HIVEP3: variants seen among roughly 807,000 people sequenced by gnomAD.
HIVEP3 encodes the protein transcription factor HIVEP3.
Under a neutral mutation model 152.8 loss-of-function variants are expected in HIVEP3, and 49 were observed. That is an observed-to-expected ratio of 0.32 (90% CI 0.26 to 0.41). The LOEUF (loss-of-function observed/expected upper bound fraction) is 0.41, where lower values mean the gene tolerates loss of function less well. HIVEP3 is among the 10% of genes least tolerant of loss of function. HIVEP3 has a pLI of 1.00. For synonymous variants in HIVEP3, 1,269 were observed against 1,289.0 expected (o/e 0.98, Z 0.33); for missense variants, 2,790 against 3,103.3 (o/e 0.90, Z 2.40).
chr1:41,984,961 A>C (rs916413221), intron 1 of HIVEP3, among the ~76,000 whole-genome samples: 1 of 152,120 alleles, frequency 6.6e-6, no homozygotes, highest in Non-Finnish European at 1.5e-5. Context: ...TAAACAAGGC[A>C]CTAAGTCAGA....
chr1:41,912,721 G>A (rs1227522634), intron 1 of HIVEP3, among the ~76,000 whole-genome samples: 1 of 152,156 alleles, frequency 6.6e-6, no homozygotes, highest in Non-Finnish European at 1.5e-5. Flanking sequence ...TTTCAATGGT[G>A]ATGCTCTCAT....
At chr1:41,750,658 G>A (rs987668582) in intron 1 of HIVEP3, among the ~76,000 whole-genome samples, 1 of 151,104 alleles carries the variant, frequency 6.6e-6, no homozygotes, top group Non-Finnish European at 1.5e-5. Flanking sequence ...AATCTCTGTA[G>A]ATTGGGCACT....
chr1:41,513,078 C>A lies in HIVEP3; in HGVS notation c.6143G>T (p.Arg2048Leu). Residue 2048 changes from arginine (R) to leucine (L), a missense_variant, in exon 8 of 9, where the codon CGA (arginine) becomes CTA (leucine). By Grantham distance (102) the Arg-to-Leu change is moderately radical (BLOSUM62 -2). Coordinates refer to ENST00000372583, the MANE Select transcript of HIVEP3 (RefSeq NM_024503.5). ...CTCGAGTTTGGAGAGCACATGTGCT[C>A]GAGGGGCCAGTTCTCTTCCCAGGGG... Reference protein sequence around the residue: ...LCPLGRELAPRAHVLSKLEGT... With the variant: ...LCPLGRELAPLAHVLSKLEGT... The A allele has an allele frequency of 2.5e-6, 4 of 1,613,850 alleles. No homozygotes were observed. The highest frequency in any genetic ancestry group is 3.4e-6 in the Non-Finnish European group (4 of 1,180,016).
At chr1:41,746,355 G>A (rs1647071962) in intron 1 of HIVEP3, among the ~76,000 whole-genome samples, 1 of 152,186 alleles carries the variant, frequency 6.6e-6, no homozygotes, top group African/African-American at 2.4e-5. Context: ...CATGTTTGCT[G>A]GGGAAATGGG....
chr1:41,733,896 C>A (rs2124191390), intron 1 of HIVEP3, among the ~76,000 whole-genome samples: 1 of 152,272 alleles, frequency 6.6e-6, no homozygotes, highest in Non-Finnish European at 1.5e-5. Flanking sequence ...CTCAGCTCCT[C>A]CAGGTGTCCC....
At chr1:41,512,172 C>T (rs1380691430) in intron 8 of HIVEP3, among the ~76,000 whole-genome samples, 4 of 152,040 alleles carry the variant, frequency 2.6e-5, no homozygotes, top group Non-Finnish European at 5.9e-5. Flanking sequence ...GATATTTGTC[C>T]CCGCCCAAAT....
At chr1:41,709,456 C>T (rs886106547) in intron 1 of HIVEP3, among the ~76,000 whole-genome samples, 3 of 152,122 alleles carry the variant, frequency 2.0e-5, no homozygotes, top group Admixed American at 6.5e-5. Context: ...CAAGCAGGGC[C>T]ATTCACGGGT....
chr1:41,838,178 G>A (rs1330922874), intron 1 of HIVEP3, among the ~76,000 whole-genome samples: 1 of 152,212 alleles, frequency 6.6e-6, no homozygotes, highest in African/African-American at 2.4e-5. Context: ...ATAATACAAA[G>A]AGATCTCAGG....
intron 3 of HIVEP3, among the ~76,000 whole-genome samples, chr1:41,609,950 C>T (rs529113880): frequency 3.9e-4 from 59 of 152,286 alleles, no homozygotes; most frequent in African/African-American, 1.3e-3. Context: ...TAAAGCAGAC[C>T]GCTTTCCACA....
At position 41,951,785 on chromosome 1, in the gene HIVEP3, C is replaced by T. The variant is rs146753929; in HGVS notation, n.120-33261G>A. Among the ~76,000 whole-genome samples the T allele has an allele frequency of 2.9e-3, 441 of 152,204 alleles. 2 individuals are homozygous for T. The highest frequency in any genetic ancestry group is 0.01 in the African/African-American group (419 of 41,536). ...ATCAGATCTCATGAGAACTCACTCA[C>T]TACCATGAGAAAAGCATGGGGGAAA... On this transcript the variant is annotated intron_variant and non_coding_transcript_variant, in intron 1 of 3. Transcript: ENST00000489103.
intron 4 of HIVEP3, among the ~76,000 whole-genome samples, chr1:41,578,882 G>A (rs769122100): frequency 2.6e-5 from 4 of 152,222 alleles, no homozygotes; most frequent in Non-Finnish European, 4.4e-5. Context: ...CTGGCACCAT[G>A]AGGCTGCTCA....
intron 1 of HIVEP3, among the ~76,000 whole-genome samples, chr1:41,780,230 T>C (rs1648960312): frequency 1.2e-5 from 1 of 86,444 alleles, no homozygotes; most frequent in Non-Finnish European, 2.2e-5. Flanking sequence ...CCCACCGCAG[T>C]GAGGGGAGAG....
At chr1:41,950,516 T>G (rs2124491084) in intron 1 of HIVEP3, among the ~76,000 whole-genome samples, 1 of 152,340 alleles carries the variant, frequency 6.6e-6, no homozygotes, top group African/African-American at 2.4e-5. Context: ...AGCTTTGTAT[T>G]GGCATGGATC....
At chr1:41,834,824 G>A (rs1643075756) in intron 1 of HIVEP3, among the ~76,000 whole-genome samples, 1 of 152,094 alleles carries the variant, frequency 6.6e-6, no homozygotes, top group African/African-American at 2.4e-5. Context: ...GAAGTGTTGG[G>A]AACACTATTT....
At chr1:41,929,484 C>T (rs192457418) in intron 1 of HIVEP3, among the ~76,000 whole-genome samples, 134 of 151,876 alleles carry the variant, frequency 8.8e-4, no homozygotes, top group Non-Finnish European at 1.4e-3. Flanking sequence ...CCTACCCAGT[C>T]CTGGAGCCTA....
chr1:41,570,396 G>T (rs1488702041), intron 5 of HIVEP3, among the ~76,000 whole-genome samples: 1 of 152,172 alleles, frequency 6.6e-6, no homozygotes, highest in Non-Finnish European at 1.5e-5. Flanking sequence ...TACCATTCTG[G>T]TGACAGTGCA....
At chr1:41,845,413 A>ACACG (rs1402075730) in intron 1 of HIVEP3, among the ~76,000 whole-genome samples, 30 of 94,668 alleles carry the variant, frequency 3.2e-4, no homozygotes, top group African/African-American at 1.6e-3. Flanking sequence ...ATACACACAC[A>ACACG]CACACGCACA....
At chr1:41,855,313 T>A (rs1267014036) in intron 1 of HIVEP3, among the ~76,000 whole-genome samples, 1 of 147,504 alleles carries the variant, frequency 6.8e-6, no homozygotes. Flanking sequence ...TTTGGCTGCA[T>A]AAAAAAGCAA....
chr1:41,527,263 A>ACCCC (rs1643002057), intron 5 of HIVEP3, among the ~76,000 whole-genome samples: 7 of 81,956 alleles, frequency 8.5e-5, no homozygotes, highest in South Asian at 3.8e-4. Flanking sequence ...ACACCCTCAC[A>ACCCC]TGCTCACCCT....
Sources: gnomAD v4.1 joint callset for allele counts (sites outside exome capture counted in the v4.1 genomes callset) on GRCh38, gnomAD v4.1.1 for gene constraint, MANE v1.5 for transcripts, NCBI Gene and HGNC (gene_info 2026-07-23, HGNC 2026-07-21) for gene names.